The following FAM13B variants were observed in gnomAD, a reference collection of about 807,000 sequenced individuals.
FAM13B encodes family with sequence similarity 13 member B.
FAM13B carries 60 observed loss-of-function variants against 117.3 expected under a neutral mutation model. That is an observed-to-expected ratio of 0.51 (90% confidence interval 0.42 to 0.63). FAM13B has a LOEUF of 0.63. Ranked by LOEUF, FAM13B falls within the 30% of genes least tolerant of loss-of-function variation. The pLI is 0.00. For missense variants in FAM13B, 972 were observed against 1,091.9 expected, an observed-to-expected ratio of 0.89 and a Z score of 1.55; for synonymous variants, 332 against 356.1, an observed-to-expected ratio of 0.93 and a Z score of 0.76.
chr5:138,004,301 C>CTTCAATGAA (rs1472908407), intron 7 of FAM13B, among the ~76,000 whole-genome samples: 8 of 100,668 alleles, frequency 7.9e-5, no homozygotes, highest in South Asian at 4.1e-4. Flanking sequence ...ACCACTAAAT[C>CTTCAATGAA]TCCAATGACT....
chr5:138,009,488 CAA>C (rs535811789), intron 6 of FAM13B, among the ~76,000 whole-genome samples: 3 of 128,798 alleles, frequency 2.3e-5, no homozygotes, highest in East Asian at 2.2e-4. Context: ...AAACACTGGC[CAA>C]AAAAAAAAAA....
chr5:138,008,940 C>T (rs895187309), intron 6 of FAM13B, among the ~76,000 whole-genome samples: 4 of 152,148 alleles, frequency 2.6e-5, no homozygotes, highest in Non-Finnish European at 5.9e-5. Flanking sequence ...GGCAGAAGAT[C>T]GAGACCAGCC....
At chr5:137,997,114 TC>T (rs1254914069) in intron 7 of FAM13B, among the ~76,000 whole-genome samples, 1 of 152,218 alleles carries the variant, frequency 6.6e-6, no homozygotes, top group Non-Finnish European at 1.5e-5. Context: ...TTTAGAACTC[TC>T]CTTTCTCTCT....
Position 138,012,224 on chromosome 5 carries a change from T to C in FAM13B, c.371-279A>G, listed in dbSNP as rs866564562. On this transcript the variant is annotated intron_variant, in intron 4 of 23. Transcript: ENST00000689681. The stretch of plus-strand genomic sequence containing the variant: ...TCATTGGCCCCAATTCTCTTTTTTT[T>C]TTTTTTTTTTTTTTAATTCTCATCC... Among the ~76,000 whole-genome samples, 707 of 148,410 alleles carry C rather than the reference T, an allele frequency of 4.8e-3. 5 individuals carry two copies. The highest frequency in any genetic ancestry group is 0.016 in the African/African-American group (669 of 40,694).
intron 6 of FAM13B, among the ~76,000 whole-genome samples, chr5:138,009,351 T>G (rs1336938987): frequency 6.6e-6 from 1 of 152,200 alleles, no homozygotes; most frequent in African/African-American, 2.4e-5. Context: ...GGTGAAAATC[T>G]CAAATGATAG....
At chr5:138,019,959 G>A (rs551435432) in intron 2 of FAM13B, 34 of 941,682 alleles carry the variant, frequency 3.6e-5, no homozygotes, top group South Asian at 1.5e-4. Flanking sequence ...GATTACAGGC[G>A]TTAGCCACCG....
chr5:137,987,847 T>C (rs1357152119), intron 8 of FAM13B, among the ~76,000 whole-genome samples: 2 of 152,170 alleles, frequency 1.3e-5, no homozygotes, highest in Non-Finnish European at 2.9e-5. Context: ...TCACTATTAT[T>C]ACTGGGATGG....
At chr5:138,030,937 T>C (rs2151077661) in intron 1 of FAM13B, among the ~76,000 whole-genome samples, 1 of 151,352 alleles carries the variant, frequency 6.6e-6, no homozygotes, top group South Asian at 2.1e-4. Flanking sequence ...GGAGGCTAAG[T>C]CAGAAGAATC....
intron 10 of FAM13B, among the ~76,000 whole-genome samples, chr5:137,977,631 TGCTGGGATTACA>T (rs369671706): frequency 4.5e-4 from 68 of 152,292 alleles, no homozygotes; most frequent in African/African-American, 1.4e-3. Flanking sequence ...TATCTCAAAG[TGCTGGGATTACA>T]GCTGGGATTA....
chr5:137,957,720 G>A (rs1384706800), intron 13 of FAM13B, among the ~76,000 whole-genome samples: 6 of 152,080 alleles, frequency 3.9e-5, no homozygotes, highest in South Asian at 2.1e-4. Context: ...TGAAAGTTGC[G>A]GACCCCTATT....
intron 17 of FAM13B, among the ~76,000 whole-genome samples, chr5:137,949,798 C>CA (rs67597641): frequency 1.0e-4 from 13 of 130,142 alleles, no homozygotes; most frequent in African/African-American, 2.3e-4. Flanking sequence ...GACTCTGTCT[C>CA]AAAAAAAAAA....
upstream of FAM13B, among the ~76,000 whole-genome samples, chr5:138,035,189 TTTTTTA>T (rs1791034326): frequency 1.3e-5 from 2 of 151,428 alleles, no homozygotes; most frequent in African/African-American, 2.4e-5. Flanking sequence ...ATTTTAAAAT[TTTTTTA>T]GAGATGGGTT....
chr5:138,011,826 G>A lies in FAM13B; in HGVS notation c.490C>T (p.His164Tyr). 6.2e-7 allele frequency: 1 copy of A among 1,611,276 alleles called. No homozygotes were observed. The highest frequency in any genetic ancestry group is 8.5e-7 in the Non-Finnish European group (1 of 1,178,804). The change falls in exon 5 of 24, where the codon CAT becomes TAT. Residue 164 changes from histidine to tyrosine, a missense_variant. His to Tyr is a moderately conservative substitution (Grantham distance 83). Coordinates refer to ENST00000689681, the MANE Select transcript of FAM13B (RefSeq NM_001385994.1). ...GAATTTGCGGACCAAATTTCTTCAT[G>A]ATGTGATGCTACATTGGCTAAAAAT... Reference protein sequence around the residue: ...CRFLANVASHHEEIWSANSLA... With the variant: ...CRFLANVASHYEEIWSANSLA...
chr5:138,051,528 T>A (rs1791800014), intron 1 of FAM13B, among the ~76,000 whole-genome samples: 1 of 152,216 alleles, frequency 6.6e-6, no homozygotes, highest in South Asian at 2.1e-4. Flanking sequence ...ATTTCTCTAA[T>A]CACAAGTGCG....
intron 16 of FAM13B, 44 bp downstream of exon 16, chr5:137,953,292 C>G: frequency 1.2e-6 from 2 of 1,604,162 alleles, no homozygotes; most frequent in Admixed American, 1.7e-5. Flanking sequence ...CCTCTCAGTT[C>G]TAATATTAGA....
In FAM13B at chr5:137,985,363, TTAA is replaced by T. The variant is rs766820095; in HGVS notation, c.1070_1072del (p.Ile357del). The T allele has an allele frequency of 6.2e-7, 1 of 1,613,908 alleles. No homozygotes were observed. The highest frequency in any genetic ancestry group is 2.2e-5 in the East Asian group (1 of 44,846). ...ACAGTCTCTGTTACTTTCACTGGCATTAATAATATCATCAGCAATATCAATCCT... is the reference window on the plus strand; with the variant it reads ...ACAGTCTCTGTTACTTTCACTGGCATTAATATCATCAGCAATATCAATCCT... On this transcript the variant is annotated inframe_deletion, in exon 10 of 24. Transcript: ENST00000689681.
At chr5:137,966,896 A>G (rs1376599413) in intron 10 of FAM13B, among the ~76,000 whole-genome samples, 1 of 152,246 alleles carries the variant, frequency 6.6e-6, no homozygotes, top group African/African-American at 2.4e-5. Context: ...TATATTATAC[A>G]AAAAATTACG....
intron 7 of FAM13B, among the ~76,000 whole-genome samples, chr5:137,991,593 C>CA (rs1778613325): frequency 6.6e-6 from 1 of 152,026 alleles, no homozygotes; most frequent in African/African-American, 2.4e-5. Flanking sequence ...ATGGCACCCA[C>CA]ACAAAAAAAT....
intron 11 of FAM13B, among the ~76,000 whole-genome samples, chr5:137,961,804 T>C (rs762373023): frequency 6.6e-6 from 1 of 152,128 alleles, no homozygotes; most frequent in African/African-American, 2.4e-5. Context: ...ATGCAAAGGG[T>C]AACAAGAACC....
Sources: allele counts gnomAD v4.1 joint callset (sites outside exome capture counted in the v4.1 genomes callset), GRCh38; gene constraint gnomAD v4.1.1; transcripts MANE v1.5; gene names NCBI Gene and HGNC (gene_info 2026-07-23, HGNC 2026-07-21).